Variants in RPSA2 observed in about 807,000 individuals in gnomAD.
RPSA2 encodes the protein small ribosomal subunit protein uS2B.
At chr19:23,818,324 A>T in the RPSA2 span, 2 of 152,250 alleles carry the variant, frequency 1.3e-5, no homozygotes, top group East Asian at 1.9e-4. Context: ...TAAATTCTGC[A>T]AGGGATGAGA....
the RPSA2 span, among the ~76,000 whole-genome samples, chr19:23,759,406 G>A: frequency 6.6e-6 from 1 of 151,666 alleles, no homozygotes; most frequent in African/African-American, 2.4e-5. Context: ...ATCCAGGGTA[G>A]GAGCCACCTT....
chr19:23,867,135 C>G, the RPSA2 span, among the ~76,000 whole-genome samples: 2 of 152,086 alleles, frequency 1.3e-5, no homozygotes, highest in Admixed American at 6.5e-5. Flanking sequence ...ATAGACCCAC[C>G]TGTTTGGTAC....
At chr19:23,766,692 G>A in the RPSA2 span, among the ~76,000 whole-genome samples, 20 of 151,312 alleles carry the variant, frequency 1.3e-4, no homozygotes, top group Non-Finnish European at 2.6e-4. Context: ...CTGACCTCGT[G>A]ATCCGCCCGC....
At chr19:23,833,042 G>T in the RPSA2 span, 1,207 of 1,366,586 alleles carry the variant, frequency 8.8e-4, 3 homozygotes, top group Admixed American at 2.6e-3. Flanking sequence ...ATTCATACTG[G>T]AAAGAAACCC....
chr19:23,807,253 A>G, the RPSA2 span, among the ~76,000 whole-genome samples: 1 of 152,194 alleles, frequency 6.6e-6, no homozygotes, highest in East Asian at 1.9e-4. Flanking sequence ...AGAAAAACTG[A>G]AAAAGACACA....
At chr19:23,763,675 G>C in the RPSA2 span, among the ~76,000 whole-genome samples, 1 of 152,262 alleles carries the variant, frequency 6.6e-6, no homozygotes, top group East Asian at 1.9e-4. Flanking sequence ...CGCCATGGCG[G>C]AAGGTGGTCT....
chr19:23,841,230 C>T, the RPSA2 span, among the ~76,000 whole-genome samples: 21 of 151,950 alleles, frequency 1.4e-4, no homozygotes, highest in East Asian at 9.8e-4. Context: ...TTTGGGAGGC[C>T]GAGGCAGGCA....
chr19:23,834,275 C>T, the RPSA2 span, among the ~76,000 whole-genome samples: 1,084 of 151,630 alleles, frequency 7.1e-3, 12 homozygotes, highest in African/African-American at 0.025. Flanking sequence ...AGGTTTTTTT[C>T]GAAGTGAATA....
the RPSA2 span, among the ~76,000 whole-genome samples, chr19:23,835,599 TTTTG>T: frequency 2.7e-4 from 23 of 84,712 alleles, no homozygotes; most frequent in African/African-American, 9.5e-4. Flanking sequence ...AATATTCTTT[TTTTG>T]TTTGTTTAAT....
the RPSA2 span, among the ~76,000 whole-genome samples, chr19:23,806,138 G>A: frequency 1.1e-4 from 16 of 147,392 alleles, no homozygotes; most frequent in South Asian, 2.2e-4. Context: ...TCCACATCCC[G>A]GGTTCAAGCA....
At chr19:23,805,250 C>CA in the RPSA2 span, among the ~76,000 whole-genome samples, 6 of 152,030 alleles carry the variant, frequency 3.9e-5, 1 homozygote, top group Admixed American at 3.9e-4. Flanking sequence ...CTGCAACCTC[C>CA]ACCTCCCGCG....
the RPSA2 span, among the ~76,000 whole-genome samples, chr19:23,805,284 C>T: frequency 7.2e-5 from 11 of 152,238 alleles, no homozygotes; most frequent in African/African-American, 2.6e-4. Context: ...CCTCCCCCAG[C>T]CTCCTGAGTA....
the RPSA2 span, among the ~76,000 whole-genome samples, chr19:23,772,902 A>G: frequency 1.3e-5 from 2 of 152,204 alleles, no homozygotes; most frequent in African/African-American, 2.4e-5. Context: ...GCTTAGGGCC[A>G]GAAGTATGGT....
chr19:23,788,668 C>A, the RPSA2 span, among the ~76,000 whole-genome samples: 3 of 152,192 alleles, frequency 2.0e-5, no homozygotes, highest in African/African-American at 7.2e-5. Flanking sequence ...TGATGTATCA[C>A]TGGACCCAGC....
chr19:23,864,214 GA>G, the RPSA2 span, among the ~76,000 whole-genome samples: 219 of 152,284 alleles, frequency 1.4e-3, 2 homozygotes, highest in Non-Finnish European at 7.8e-4. Context: ...ACACCCTTAA[GA>G]CACAACGCAT....
At chr19:23,800,188 C>G in the RPSA2 span, among the ~76,000 whole-genome samples, 1 of 126,608 alleles carries the variant, frequency 7.9e-6, no homozygotes, top group East Asian at 2.4e-4. Context: ...GCCACTATGC[C>G]CGTCTTTTTT....
At chr19:23,868,853 G>T in the RPSA2 span, among the ~76,000 whole-genome samples, 570 of 152,262 alleles carry the variant, frequency 3.7e-3, 4 homozygotes, top group African/African-American at 0.013. Context: ...CGGTCCCTCT[G>T]GTATGGGCCA....
At chr19:23,864,244 C>T in the RPSA2 span, among the ~76,000 whole-genome samples, 2 of 152,222 alleles carry the variant, frequency 1.3e-5, no homozygotes, top group Non-Finnish European at 2.9e-5. Flanking sequence ...TTACCTGATA[C>T]AATTTTTAAT....
At chr19:23,773,750 T>C in the RPSA2 span, among the ~76,000 whole-genome samples, 148,948 of 152,282 alleles carry the variant, frequency 0.98, 72,938 homozygotes, top group Middle Eastern at 1. Flanking sequence ...TGATGACACT[T>C]AGAGCAAGAT....
Sources: allele counts gnomAD v4.1 joint callset (sites outside exome capture counted in the v4.1 genomes callset), GRCh38; gene constraint gnomAD v4.1.1; transcripts MANE v1.5; gene names NCBI Gene and HGNC (gene_info 2026-07-23, HGNC 2026-07-21).